Variants in ADD2 observed in about 807,000 individuals in gnomAD.
The protein encoded by ADD2 is beta-adducin.
A neutral mutation model predicts 83.0 loss-of-function variants in ADD2; 23 were observed. The observed-to-expected ratio is 0.28, with a 90% CI of 0.20 to 0.39. The LOEUF (loss-of-function observed/expected upper bound fraction) is 0.39. ADD2 is among the 10% of genes least tolerant of loss of function. The pLI, the probability that ADD2 is intolerant of heterozygous loss-of-function variation, is 1.00. For missense variants in ADD2, 758 were observed against 944.9 expected, an observed-to-expected ratio of 0.80 and a Z score of 2.59; for synonymous variants, 375 against 375.4, an observed-to-expected ratio of 1.00 and a Z score of 0.01.
In ADD2 at chr2:70,672,930, C is replaced by T. The variant is rs782224646; in HGVS notation, c.1818G>A (p.Ala606=). 1.3e-5 allele frequency: 21 copies of T among 1,613,708 alleles called. No individual in the cohort carries two copies. Among genetic ancestry groups the T allele is most frequent in the Admixed American group, 5.0e-5 (3 of 59,980 alleles). The change falls in exon 15 of 16, where the codon GCG becomes GCA. Residue 606 remains alanine (A), a synonymous_variant. Coordinates refer to ENST00000264436, the MANE Select transcript of ADD2 (RefSeq NM_001617.4). ...AAGGGCTCTTTGTCTCTGCCTCCTT[C>T]GCTGGGCTCTGCACTGGAGAAGCAG... ...SAPASPVQSP[A]KEAETKSPLV... is the part of the protein sequence containing the mutation.
chr2:70,747,007 A>AT (rs34113265), intron 1 of ADD2, among the ~76,000 whole-genome samples: 9,019 of 121,052 alleles, frequency 0.075, 1,342 homozygotes, highest in African/African-American at 0.26. Flanking sequence ...TCCAATATGG[A>AT]TTTTTTTTTT....
intron 1 of ADD2, among the ~76,000 whole-genome samples, chr2:70,751,102 T>C (rs1412931987): frequency 2.0e-5 from 3 of 152,246 alleles, no homozygotes; most frequent in African/African-American, 7.2e-5. Context: ...TTAATTAATC[T>C]GCCTCACCTT....
At chr2:70,744,307 A>G (rs1262792812) in intron 1 of ADD2, among the ~76,000 whole-genome samples, 2 of 152,226 alleles carry the variant, frequency 1.3e-5, no homozygotes, top group African/African-American at 4.8e-5. Flanking sequence ...ATGTAACAGA[A>G]TGTCTTTGTT....
intron 15 of ADD2, among the ~76,000 whole-genome samples, chr2:70,665,061 A>C (rs782693979): frequency 6.6e-6 from 1 of 152,098 alleles, no homozygotes; most frequent in Non-Finnish European, 1.5e-5. Flanking sequence ...TTGCCACATC[A>C]CAAGAAGGAA....
rs782507125 is a variant in ADD2, at chr2:70,676,715, G to A, written c.1593+81C>T. On this transcript the variant is annotated intron_variant, in intron 13 of 15. Transcript: ENST00000264436. This position sits in a 1 kb window ranked among gnomAD's most constrained non-coding sequence, Gnocchi z 4.8. Reference sequence around the variant, plus strand: ...GGAAGGTGGGTATGAGGACTCAGGGGTCCTGCAACCCAGCCCCAGGCACAG... The same window carrying A: ...GGAAGGTGGGTATGAGGACTCAGGGATCCTGCAACCCAGCCCCAGGCACAG... The A allele has an allele frequency of 5.0e-6, 8 of 1,592,130 alleles. No individual in the cohort carries two copies. The highest frequency in any genetic ancestry group is 6.8e-6 in the Non-Finnish European group (8 of 1,168,126).
intron 7 of ADD2, 50 bp downstream of exon 7, chr2:70,692,353 C>T: frequency 6.8e-7 from 1 of 1,477,354 alleles, no homozygotes; most frequent in African/African-American, 1.4e-5. Context: ...TTGCTACAAC[C>T]TCGGCAGCCT....
chr2:70,721,709 A>G (rs1672738338), intron 1 of ADD2, among the ~76,000 whole-genome samples: 1 of 152,244 alleles, frequency 6.6e-6, no homozygotes, highest in Non-Finnish European at 1.5e-5. Context: ...CAATTTCTGT[A>G]CTAACATGAA....
At chr2:70,759,557 T>A (rs1553384497) in intron 1 of ADD2, among the ~76,000 whole-genome samples, 2 of 152,072 alleles carry the variant, frequency 1.3e-5, no homozygotes, top group African/African-American at 4.8e-5. Flanking sequence ...CTTGGAGCCA[T>A]TCTTGCAGTA....
intron 15 of ADD2, among the ~76,000 whole-genome samples, chr2:70,672,098 C>G (rs897664703): frequency 6.6e-6 from 1 of 152,154 alleles, no homozygotes; most frequent in Non-Finnish European, 1.5e-5. Flanking sequence ...ATGTTTTCAC[C>G]TACACTTCCC....
At chr2:70,758,602 C>T (rs1674921092) in intron 1 of ADD2, among the ~76,000 whole-genome samples, 1 of 152,002 alleles carries the variant, frequency 6.6e-6, no homozygotes, top group African/African-American at 2.4e-5. Flanking sequence ...TTAAAAAGAT[C>T]AACTATGCAA....
rs557921631 is a variant in ADD2, at chr2:70,745,163, G to T, written c.-154+22723C>A. 1.2e-4 allele frequency among the ~76,000 whole-genome samples: 19 copies of T among 152,216 alleles called. No homozygotes were observed. In the East Asian group the frequency reaches 3.1e-3, roughly 25 times the overall value. The stretch of plus-strand genomic sequence containing the variant: ...TAGCCGGGCGTGGTGGCGGGCGCCT[G>T]TAGTCCCAACTACTCGGGAAGCTGA... On this transcript the variant is annotated intron_variant, in intron 1 of 15. Transcript: ENST00000264436.
At chr2:70,696,013 T>C (rs1403414130) in intron 5 of ADD2, among the ~76,000 whole-genome samples, 3 of 152,160 alleles carry the variant, frequency 2.0e-5, no homozygotes, top group South Asian at 2.1e-4. Context: ...CTCACTATGA[T>C]CAAGGGTAGC....
At chr2:70,673,334 G>C in intron 14 of ADD2, 2 of 1,613,860 alleles carry the variant, frequency 1.2e-6, no homozygotes, top group Non-Finnish European at 1.7e-6. Flanking sequence ...TCTCTGAAGA[G>C]AACCAGCCAG....
chr2:70,705,591 G>A (rs1274083889), intron 3 of ADD2, among the ~76,000 whole-genome samples: 3 of 152,152 alleles, frequency 2.0e-5, no homozygotes, highest in South Asian at 2.1e-4. Context: ...CCCACCCTTC[G>A]GCCTTCTCAA....
At chr2:70,747,349 C>A (rs1305342670) in intron 1 of ADD2, among the ~76,000 whole-genome samples, 1 of 152,162 alleles carries the variant, frequency 6.6e-6, no homozygotes, top group African/African-American at 2.4e-5. Flanking sequence ...AGCTGAACCT[C>A]AAGATTACAA....
intron 1 of ADD2, among the ~76,000 whole-genome samples, chr2:70,744,441 T>A (rs1190178557): frequency 6.6e-6 from 1 of 152,184 alleles, no homozygotes; most frequent in Non-Finnish European, 1.5e-5. Context: ...CATACAGACA[T>A]GCTGGGACAG....
At chr2:70,695,651 A>G in intron 6 of ADD2, 70 bp downstream of exon 6, 2 of 1,434,988 alleles carry the variant, frequency 1.4e-6, no homozygotes, top group Non-Finnish European at 2.0e-6. Flanking sequence ...GAGATGACCT[A>G]GCACTGTGGG....
chr2:70,704,263 T>TGCCCCCCCCCCCCCCCCCACCCCCCC, intron 4 of ADD2, 58 bp downstream of exon 4: 1 of 913,236 alleles, frequency 1.1e-6, no homozygotes, highest in Non-Finnish European at 1.7e-6. Context: ...CTCCCTCTCT[T>TGCCCCCCCCCCCCCCCCCACCCCCCC]CCCCACCCCA....
chr2:70,690,710 G>A, intron 8 of ADD2, 76 bp downstream of exon 8: 1 of 1,503,048 alleles, frequency 6.7e-7, no homozygotes, highest in Non-Finnish European at 9.0e-7. Flanking sequence ...ATTGTCCAAT[G>A]AACATATGTC....
Sources: gnomAD v4.1 joint callset for allele counts (sites outside exome capture counted in the v4.1 genomes callset) on GRCh38, gnomAD v4.1.1 for gene constraint, Gnocchi (gnomAD v3.1) non-coding constraint, MANE v1.5 for transcripts, NCBI Gene and HGNC (gene_info 2026-07-23, HGNC 2026-07-21) for gene names.